The following TNN variants were observed in gnomAD, a reference collection of about 807,000 sequenced individuals.
TNN encodes the protein tenascin-N.
TNN carries 122 observed loss-of-function variants against 134.4 expected under a neutral mutation model. That is an observed-to-expected ratio of 0.91 (90% CI 0.78 to 1.06). The LOEUF is 1.06. Among genes scored for constraint, TNN ranks in the 50% least tolerant of loss-of-function variants. TNN has a pLI of 0.00. For synonymous variants in TNN, 710 were observed against 670.3 expected (o/e 1.06, Z -0.91); for missense variants, 1,739 against 1,699.4 (o/e 1.02, Z -0.41).
At chr1:175,127,352 A>G (rs1048849008) in intron 13 of TNN, among the ~76,000 whole-genome samples, 1 of 152,234 alleles carries the variant, frequency 6.6e-6, no homozygotes, top group African/African-American at 2.4e-5. Context: ...ATATATATTT[A>G]TTGAACAAAT....
At chr1:175,094,357 C>A in intron 7 of TNN, 104 bp downstream of exon 7, 1 of 1,239,506 alleles carries the variant, frequency 8.1e-7, no homozygotes, top group South Asian at 2.3e-5. Context: ...CTTTTGTTTG[C>A]AGGAGTGGGG....
rs66718246 is a variant in TNN at position 175,125,703 on chromosome 1, C to CTTTCTTTCTT, written c.2915-1251_2915-1250insTTCTTTCTTT. On this transcript the variant is annotated intron_variant, in intron 12 of 18. Coordinates refer to ENST00000239462, the MANE Select transcript of TNN (RefSeq NM_022093.2). ...CCTCCTTTCTTTCTCTCTTTTTTCT[C>CTTTCTTTCTT]TCTTTCTTTCTTTCTTTCTTTCTTT... is the stretch of plus-strand genomic sequence containing the variant. Among the ~76,000 whole-genome samples, 170 of 66,434 alleles carry CTTTCTTTCTT rather than the reference C, an allele frequency of 2.6e-3. 1 individual carries two copies. Among genetic ancestry groups the CTTTCTTTCTT allele is most frequent in the East Asian group, 4.7e-3 (12 of 2,540 alleles). 43.6% of individuals were successfully genotyped at this position (66,434 alleles called of 152,430 possible). A position where few individuals can be genotyped will look rare whatever the true frequency, so the allele number is the denominator to read the frequency against.
intron 11 of TNN, among the ~76,000 whole-genome samples, chr1:175,120,894 G>C (rs949512363): frequency 6.6e-6 from 1 of 152,108 alleles, no homozygotes; most frequent in East Asian, 1.9e-4. Context: ...TTGACCTCCC[G>C]GGCTCAAGCC....
Position 175,116,944 on chromosome 1 carries a change from G to C in TNN, c.2125G>C (p.Asp709His). ...TCAGCAATTTTTTTTTTCAGACATT[G>C]ACAGCCCCCAAAACCTGGTGACCGA... The part of the protein sequence containing the change: ...KADTKAQTDI[D>H]SPQNLVTDRV... The change falls in exon 10 of 19, where the codon GAC (aspartate) becomes CAC (histidine). Residue 709 changes from aspartate to histidine, a missense_variant. Asp to His is a moderately conservative substitution (Grantham distance 81). Transcript: ENST00000239462. The C allele has an allele frequency of 6.2e-7, 1 of 1,613,552 alleles. No individual in the cohort carries two copies. The highest frequency in any genetic ancestry group is 8.5e-7 in the Non-Finnish European group (1 of 1,179,858).
intron 1 of TNN, among the ~76,000 whole-genome samples, chr1:175,074,209 G>A (rs917178953): frequency 3.3e-5 from 5 of 152,138 alleles, no homozygotes; most frequent in Admixed American, 3.3e-4. Flanking sequence ...ACGGCCAGGT[G>A]TAGTGGCTCA....
intron 9 of TNN, among the ~76,000 whole-genome samples, chr1:175,104,177 A>T (rs1334642639): frequency 6.8e-6 from 1 of 146,102 alleles, no homozygotes; most frequent in African/African-American, 2.5e-5. Flanking sequence ...GATTCCTCGG[A>T]TGGTAACAGA....
At chr1:175,088,839 T>C (rs1029200907) in intron 6 of TNN, among the ~76,000 whole-genome samples, 1 of 152,190 alleles carries the variant, frequency 6.6e-6, no homozygotes, top group African/African-American at 2.4e-5. Flanking sequence ...ACAGCAATAA[T>C]GTGACGTATC....
In TNN at chr1:175,077,587, C is replaced by G; in HGVS notation, c.169C>G (p.Gln57Glu). ...CGATGTGCCCAAGTCTGCCTTGGTT[C>G]AGGTTGACGCTGACCCTCAGCCCCT... is the stretch of plus-strand genomic sequence containing the variant. The part of the protein sequence containing the change: ...KIDVPKSALV[Q>E]VDADPQPLSD... Residue 57 changes from glutamine (Q) to glutamate (E), a missense_variant, in exon 2 of 19, where the codon CAG becomes GAG. By Grantham distance (29) the Gln-to-Glu change is conservative (BLOSUM62 2). Coordinates refer to ENST00000239462, the MANE Select transcript of TNN (RefSeq NM_022093.2). 6.2e-7 allele frequency: 1 copy of G among 1,614,220 alleles called. No homozygotes were observed. The highest frequency in any genetic ancestry group is 1.1e-5 in the South Asian group (1 of 91,080).
intron 12 of TNN, among the ~76,000 whole-genome samples, chr1:175,125,068 G>A (rs1466620953): frequency 6.6e-6 from 1 of 152,220 alleles, no homozygotes; most frequent in East Asian, 1.9e-4. Context: ...CCTTGATTGT[G>A]AAATCAGGAA....
chr1:175,121,814 G>C (rs1192460321), intron 11 of TNN, among the ~76,000 whole-genome samples: 1 of 152,180 alleles, frequency 6.6e-6, no homozygotes, highest in African/African-American at 2.4e-5. Context: ...CTTGAGAGGG[G>C]AGACTGAGAA....
chr1:175,090,302 A>G (rs900449470), intron 6 of TNN, among the ~76,000 whole-genome samples: 1 of 152,178 alleles, frequency 6.6e-6, no homozygotes, highest in African/African-American at 2.4e-5. Context: ...CATTTTCTAC[A>G]AACGATGCCT....
At chr1:175,122,247 G>A (rs1389632209) in intron 11 of TNN, among the ~76,000 whole-genome samples, 1 of 152,042 alleles carries the variant, frequency 6.6e-6, no homozygotes, top group East Asian at 1.9e-4. Context: ...AATTGGCTGA[G>A]TGTGGTGGCA....
At chr1:175,139,615 A>ATT (rs5778835) in intron 17 of TNN, among the ~76,000 whole-genome samples, 38 of 151,608 alleles carry the variant, frequency 2.5e-4, no homozygotes, top group African/African-American at 4.8e-4. Context: ...GTTTTACAGG[A>ATT]TTTTTTTTTG....
intron 9 of TNN, among the ~76,000 whole-genome samples, chr1:175,107,166 C>T (rs1314754464): frequency 3.4e-5 from 5 of 146,346 alleles, no homozygotes; most frequent in Non-Finnish European, 7.6e-5. Flanking sequence ...CGCAAACCCT[C>T]GTGGTGAGTG....
intron 9 of TNN, 55 bp downstream of exon 9, chr1:175,098,650 G>A: frequency 6.2e-7 from 1 of 1,608,350 alleles, no homozygotes. Flanking sequence ...CTGTCTACAT[G>A]GGGTTTTCTT....
chr1:175,074,484 GAAAAAAAAAAAAAAAAA>G (rs55952749), intron 1 of TNN, among the ~76,000 whole-genome samples: 1 of 119,020 alleles, frequency 8.4e-6, no homozygotes, highest in African/African-American at 2.9e-5. Context: ...GATCCTGTCT[GAAAAAAAAAAAAAAAAA>G]AAAAAAAAGA....
rs116417034 is a variant in TNN, at chr1:175,118,992, G to A, written c.2650+168G>A. The stretch of plus-strand genomic sequence containing the variant: ...AAAACAAAAACAAAAAACAAACAAA[G>A]AAACAAAAAACTTTCATTCACCCAA... On this transcript the variant is annotated intron_variant, in intron 11 of 18. Transcript: ENST00000239462. 1.6e-3 allele frequency among the ~76,000 whole-genome samples: 241 copies of A among 152,238 alleles called. 2 individuals carry two copies. Among genetic ancestry groups the A allele is most frequent in the African/African-American group, 5.5e-3 (230 of 41,546 alleles).
chr1:175,139,615 A>T (rs938095972), intron 17 of TNN, among the ~76,000 whole-genome samples: 10 of 151,502 alleles, frequency 6.6e-5, no homozygotes, highest in South Asian at 2.1e-4. Context: ...GTTTTACAGG[A>T]TTTTTTTTTG....
chr1:175,136,893 C>G lies in TNN; in HGVS notation c.3500C>G (p.Ala1167Gly), dbSNP rs1319971679. Residue 1167 changes from alanine (A) to glycine (G), a missense_variant, in exon 17 of 19, where the codon GCC (alanine) becomes GGC (glycine). Transcript: ENST00000239462. ...RYEVRVDLQT[A>G]NESAYAIYDF... ...GAGGTGAGAGTGGATTTACAGACTG[C>G]CAATGAATCTGCCTATGCTATATAT... The G allele has an allele frequency of 6.2e-7, 1 of 1,614,186 alleles. No individual in the cohort carries two copies. The highest frequency in any genetic ancestry group is 2.2e-5 in the East Asian group (1 of 44,884).
Sources: gnomAD v4.1 joint callset for allele counts (sites outside exome capture counted in the v4.1 genomes callset) on GRCh38, gnomAD v4.1.1 for gene constraint, MANE v1.5 for transcripts, NCBI Gene and HGNC (gene_info 2026-07-23, HGNC 2026-07-21) for gene names.